The following CNTNAP5 variants were observed in gnomAD, a reference collection of about 807,000 sequenced individuals.
CNTNAP5 encodes the protein contactin-associated protein-like 5.
In CNTNAP5, 72 loss-of-function variants were observed where a neutral mutation model predicts 150.2. The ratio of observed to expected loss-of-function variants is 0.48; its 90% confidence interval spans 0.40 to 0.58. The LOEUF is 0.58. Among genes scored for constraint, CNTNAP5 ranks in the 20% least tolerant of loss-of-function variants. The pLI is 0.00. For synonymous variants in CNTNAP5, 672 were observed against 619.8 expected, an observed-to-expected ratio of 1.08 and a Z score of -1.25; for missense variants, 1,636 against 1,626.2, an observed-to-expected ratio of 1.01 and a Z score of -0.10.
At chr2:124,420,232 A>G (rs1489065162) in intron 4 of CNTNAP5, among the ~76,000 whole-genome samples, 1 of 151,568 alleles carries the variant, frequency 6.6e-6, no homozygotes, top group Non-Finnish European at 1.5e-5. Context: ...CTCGTGATAC[A>G]CCCAGCTCGG....
At chr2:124,270,192 C>T (rs1327643565) in intron 3 of CNTNAP5, among the ~76,000 whole-genome samples, 1 of 152,000 alleles carries the variant, frequency 6.6e-6, no homozygotes, top group Admixed American at 6.6e-5. Flanking sequence ...GCCTGTAATC[C>T]CAGCTACTCA....
intron 8 of CNTNAP5, among the ~76,000 whole-genome samples, chr2:124,510,638 G>A (rs2104871567): frequency 6.6e-6 from 1 of 151,742 alleles, no homozygotes; most frequent in Middle Eastern, 3.4e-3. Context: ...TATCATCTAA[G>A]GATGAAGGCT....
intron 2 of CNTNAP5, among the ~76,000 whole-genome samples, chr2:124,225,794 C>T (rs1397661410): frequency 6.6e-6 from 1 of 152,076 alleles, no homozygotes; most frequent in East Asian, 1.9e-4. Context: ...CACCCCAGTC[C>T]CTCGCAACCA....
At chr2:124,839,534 C>T (rs1482652739) in intron 19 of CNTNAP5, among the ~76,000 whole-genome samples, 1 of 151,984 alleles carries the variant, frequency 6.6e-6, no homozygotes, top group Non-Finnish European at 1.5e-5. Context: ...CTACCTCCAG[C>T]CCTCCAGCCT....
chr2:124,652,221 T>C (rs1255059318), intron 13 of CNTNAP5, among the ~76,000 whole-genome samples: 1 of 152,224 alleles, frequency 6.6e-6, no homozygotes, highest in Non-Finnish European at 1.5e-5. Flanking sequence ...GAAAGTGTCT[T>C]TGTGATTCTC....
At chr2:124,339,055 G>A (rs1323776126) in intron 3 of CNTNAP5, among the ~76,000 whole-genome samples, 1 of 152,052 alleles carries the variant, frequency 6.6e-6, no homozygotes, top group Non-Finnish European at 1.5e-5. Context: ...AAAAGGAAGA[G>A]GACTATTCTT....
chr2:124,669,327 T>G (rs1678762286), intron 13 of CNTNAP5, among the ~76,000 whole-genome samples: 1 of 152,224 alleles, frequency 6.6e-6, no homozygotes, highest in African/African-American at 2.4e-5. Context: ...AGATCATTTC[T>G]TGATTAGTGG....
chr2:124,169,575 C>T (rs901007845), intron 1 of CNTNAP5, among the ~76,000 whole-genome samples: 19 of 152,214 alleles, frequency 1.2e-4, no homozygotes, highest in Non-Finnish European at 7.4e-5. Flanking sequence ...AGTAATAAAT[C>T]GTAATGCAAT....
At chr2:124,137,797 G>A (rs997647932) in intron 1 of CNTNAP5, among the ~76,000 whole-genome samples, 1 of 152,108 alleles carries the variant, frequency 6.6e-6, no homozygotes, top group Non-Finnish European at 1.5e-5. Flanking sequence ...GTCGGTGGTC[G>A]CTGTGGAGAG....
chr2:124,286,167 C>T (rs1688144853), intron 3 of CNTNAP5, among the ~76,000 whole-genome samples: 2 of 152,192 alleles, frequency 1.3e-5, no homozygotes, highest in Admixed American at 6.5e-5. Flanking sequence ...TGATCTCCAG[C>T]AGGCCATAGA....
At chr2:124,344,424 C>T (rs1272691466) in intron 3 of CNTNAP5, among the ~76,000 whole-genome samples, 3 of 152,026 alleles carry the variant, frequency 2.0e-5, no homozygotes, top group Non-Finnish European at 4.4e-5. Context: ...AGACATCCTC[C>T]TTCCAAAAAA....
intron 19 of CNTNAP5, among the ~76,000 whole-genome samples, chr2:124,854,664 A>T (rs577241116): frequency 6.6e-6 from 1 of 152,342 alleles, no homozygotes; most frequent in African/African-American, 2.4e-5. Flanking sequence ...TGGCTATTTT[A>T]TTCAACAAAT....
intron 3 of CNTNAP5, among the ~76,000 whole-genome samples, chr2:124,349,870 A>ATTTATTTTTTT (rs1553460393): frequency 2.7e-5 from 1 of 36,424 alleles, no homozygotes; most frequent in African/African-American, 1.0e-4. Flanking sequence ...ACTTCTGGCT[A>ATTTATTTTTTT]TTTCTTTTTT....
chr2:124,815,058 A>C (rs1682331762), intron 19 of CNTNAP5, among the ~76,000 whole-genome samples: 1 of 152,216 alleles, frequency 6.6e-6, no homozygotes, highest in South Asian at 2.1e-4. Flanking sequence ...ATGAAAATCA[A>C]AGAAACAGCA....
chr2:124,733,039 C>G (rs1291591254), intron 13 of CNTNAP5, among the ~76,000 whole-genome samples: 1 of 152,122 alleles, frequency 6.6e-6, no homozygotes, highest in African/African-American at 2.4e-5. Context: ...AACATTTACT[C>G]CCTGTTCACT....
At chr2:124,812,556 C>T (rs914202611) in intron 19 of CNTNAP5, among the ~76,000 whole-genome samples, 24 of 152,120 alleles carry the variant, frequency 1.6e-4, no homozygotes, top group Non-Finnish European at 4.4e-5. Context: ...GAAATATTTG[C>T]AATCTATTCT....
At chr2:124,851,248 A>G (rs1018529694) in intron 19 of CNTNAP5, among the ~76,000 whole-genome samples, 1 of 152,020 alleles carries the variant, frequency 6.6e-6, no homozygotes, top group Non-Finnish European at 1.5e-5. Context: ...CCCAGCTACT[A>G]GGGAGGCTGA....
At chr2:124,181,052 C>G (rs1283299802) in intron 1 of CNTNAP5, among the ~76,000 whole-genome samples, 4 of 151,922 alleles carry the variant, frequency 2.6e-5, no homozygotes, top group Non-Finnish European at 5.9e-5. Flanking sequence ...AAAAAAAATT[C>G]TAGCCAGTCA....
intron 18 of CNTNAP5, among the ~76,000 whole-genome samples, chr2:124,790,846 A>G (rs1039644198): frequency 1.6e-4 from 24 of 152,228 alleles, no homozygotes; most frequent in African/African-American, 5.8e-4. Flanking sequence ...AATTCTCTAG[A>G]TAAATTCAAG....
Sources: allele counts gnomAD v4.1 joint callset (sites outside exome capture counted in the v4.1 genomes callset), GRCh38; gene constraint gnomAD v4.1.1; transcripts MANE v1.5; gene names NCBI Gene and HGNC (gene_info 2026-07-23, HGNC 2026-07-21).